EHMT1: variants seen among roughly 807,000 people sequenced by gnomAD.
EHMT1 encodes the protein histone-lysine N-methyltransferase EHMT1.
A neutral mutation model predicts 147.2 loss-of-function variants in EHMT1; 15 were observed. The ratio of observed to expected loss-of-function variants is 0.10; its 90% confidence interval spans 0.07 to 0.16. EHMT1 has a LOEUF of 0.16. Ranked by LOEUF, EHMT1 falls within the 10% of genes least tolerant of loss-of-function variation. EHMT1 has a pLI of 1.00. For missense variants in EHMT1, 1,587 were observed against 1,772.4 expected, an observed-to-expected ratio of 0.90 and a Z score of 1.88; for synonymous variants, 795 against 709.6, an observed-to-expected ratio of 1.12 and a Z score of -1.91.
Position 137,828,085 on chromosome 9 carries a change from G to T in EHMT1, c.3541-6264G>T, listed in dbSNP as rs948323393. The stretch of plus-strand genomic sequence containing the variant: ...TGGGAGGGACGTGGACGAACGGCAC[G>T]CAGTGGGAGGCCATGGGCAAGGTTG... On this transcript the variant is annotated intron_variant, in intron 25 of 26. Coordinates refer to ENST00000460843, the MANE Select transcript of EHMT1 (RefSeq NM_024757.5). The surrounding 1 kb of genome is among the most constrained non-coding windows in gnomAD (Gnocchi z 5.3). 6.6e-6 allele frequency among the ~76,000 whole-genome samples: 1 copy of T among 152,174 alleles called. No individual in the cohort carries two copies. Among genetic ancestry groups the T allele is most frequent in the African/African-American group, 2.4e-5 (1 of 41,446 alleles).
intron 1 of EHMT1, among the ~76,000 whole-genome samples, chr9:137,625,410 C>T (rs181635979): frequency 1.2e-4 from 19 of 152,196 alleles, no homozygotes; most frequent in African/African-American, 4.3e-4. Context: ...CACTATGTTG[C>T]TCAGGCTGGT....
At chr9:137,789,769 G>A (rs899145480) in intron 15 of EHMT1, among the ~76,000 whole-genome samples, 1 of 152,184 alleles carries the variant, frequency 6.6e-6, no homozygotes, top group African/African-American at 2.4e-5. Flanking sequence ...CACTTTTGTT[G>A]CCCAGGCTGG....
rs546337998 is a variant in EHMT1 at position 137,739,098 on chromosome 9, G to A, written c.824-4273G>A. ...TAAAAAAAAAAAAAACAGGCCGGGC[G>A]CGGTGGCTCATGCCTGTAATCCCAG... On this transcript the variant is annotated intron_variant, in intron 4 of 26. Transcript: ENST00000460843. Among the ~76,000 whole-genome samples, 7 of 151,582 alleles carry A rather than the reference G, an allele frequency of 4.6e-5. No individual in the cohort carries two copies. In the East Asian group the frequency reaches 5.8e-4, roughly 13 times the overall value.
Position 137,776,992 on chromosome 9 carries a change from C to G in EHMT1, c.2018+148C>G, listed in dbSNP as rs1307841935. On this transcript the variant is annotated intron_variant, in intron 12 of 26. Transcript: ENST00000460843. The surrounding 1 kb of genome is among the most constrained non-coding windows in gnomAD (Gnocchi z 4.4). ...ATGGTGATTTCTGACATTTAAGACT[C>G]TGAAATTCATTTATTGCCATTTGTG... 2 of 765,506 alleles carry G rather than the reference C, an allele frequency of 2.6e-6. No homozygotes were observed. Among genetic ancestry groups the G allele is most frequent in the Non-Finnish European group, 4.2e-6 (2 of 476,460 alleles). 47.4% of individuals were successfully genotyped at this position (765,506 alleles called of 1,614,324 possible). A position where few individuals can be genotyped will look rare whatever the true frequency, so the allele number is the denominator to read the frequency against.
At chr9:137,688,034 A>T (rs1942608828) in intron 1 of EHMT1, among the ~76,000 whole-genome samples, 1 of 151,930 alleles carries the variant, frequency 6.6e-6, no homozygotes, top group African/African-American at 2.4e-5. Flanking sequence ...TTGGTTTGGA[A>T]TTTTTTTTAG....
At position 137,834,893 on chromosome 9, in the gene EHMT1, G is replaced by A. The variant is rs531878154; in HGVS notation, c.3837G>A (p.Gln1279=). The A allele has an allele frequency of 4.4e-6, 7 of 1,604,142 alleles. No individual in the cohort carries two copies. The East Asian group carries it at 9.0e-5, about 21-fold the overall frequency. The change falls in exon 27 of 27, where the codon CAG becomes CAA. Residue 1279 remains glutamine (Q), a synonymous_variant. Coordinates refer to ENST00000460843, the MANE Select transcript of EHMT1 (RefSeq NM_024757.5). ...CCCAGCGTCAGGCCAGCGCGGCCCA[G>A]GAGGCCCAGGAGGACGGCTTGCCCG... ...ALAQRQASAA[Q]EAQEDGLPDT...
At chr9:137,761,391 G>T (rs1949801459) in intron 9 of EHMT1, among the ~76,000 whole-genome samples, 1 of 152,226 alleles carries the variant, frequency 6.6e-6, no homozygotes, top group Non-Finnish European at 1.5e-5. Context: ...TCTGTTCAAG[G>T]ATTCTTTAGT....
intron 1 of EHMT1, among the ~76,000 whole-genome samples, chr9:137,689,150 A>G (rs1447234949): frequency 6.6e-6 from 1 of 152,182 alleles, no homozygotes; most frequent in African/African-American, 2.4e-5. Context: ...TTTTATTTTC[A>G]ATTACAAAAG....
chr9:137,824,059 G>C (rs1053995205), intron 25 of EHMT1, among the ~76,000 whole-genome samples: 6 of 151,874 alleles, frequency 4.0e-5, no homozygotes, highest in African/African-American at 1.5e-4. Flanking sequence ...AGAATTCCAT[G>C]TCTATCCCAG....
chr9:137,742,287 ATTTGTG>A (rs1358417018), intron 4 of EHMT1, among the ~76,000 whole-genome samples: 1 of 94,486 alleles, frequency 1.1e-5, no homozygotes, highest in African/African-American at 4.6e-5. Flanking sequence ...GTAGAACCAA[ATTTGTG>A]TGTGTGTGTG....
intron 1 of EHMT1, among the ~76,000 whole-genome samples, chr9:137,648,989 A>G (rs1206191964): frequency 6.6e-6 from 1 of 152,216 alleles, no homozygotes; most frequent in Non-Finnish European, 1.5e-5. Flanking sequence ...TTTGCCACCC[A>G]AAAAGCCAGA....
At chr9:137,760,042 A>G (rs1949685013) in intron 9 of EHMT1, among the ~76,000 whole-genome samples, 1 of 152,120 alleles carries the variant, frequency 6.6e-6, no homozygotes, top group Admixed American at 6.5e-5. Flanking sequence ...TGCCTTATTG[A>G]GGCTGAATGG....
At chr9:137,635,766 G>C (rs1421093091) in intron 1 of EHMT1, among the ~76,000 whole-genome samples, 1 of 151,294 alleles carries the variant, frequency 6.6e-6, no homozygotes, top group South Asian at 2.1e-4. Context: ...CTTGCAGTGA[G>C]CTGAGATGGT....
intron 25 of EHMT1, among the ~76,000 whole-genome samples, chr9:137,830,080 T>C (rs6559231): frequency 0.12 from 18,588 of 152,008 alleles, 3,704 homozygotes; most frequent in African/African-American, 0.42. Flanking sequence ...TGAGTGTTAA[T>C]GTGGGCTCAT....
intron 22 of EHMT1, chr9:137,815,411 A>T (rs996029630): frequency 6.8e-5 from 14 of 207,320 alleles, no homozygotes; most frequent in Admixed American, 5.8e-4. Context: ...GTCAAGCCAG[A>T]GTGTGCCTGG....
At chr9:137,703,540 C>A (rs974103860) in intron 1 of EHMT1, among the ~76,000 whole-genome samples, 2 of 152,150 alleles carry the variant, frequency 1.3e-5, no homozygotes, top group East Asian at 3.9e-4. Flanking sequence ...CTCTCAAGTT[C>A]AAAGTTCCAC....
chr9:137,759,977 G>T (rs1588564172), intron 9 of EHMT1, among the ~76,000 whole-genome samples: 1 of 152,310 alleles, frequency 6.6e-6, no homozygotes, highest in East Asian at 1.9e-4. Context: ...ATATGAAGAT[G>T]AGAAGTCCTC....
chr9:137,703,466 C>T (rs900142234), intron 1 of EHMT1, among the ~76,000 whole-genome samples: 1 of 152,198 alleles, frequency 6.6e-6, no homozygotes, highest in African/African-American at 2.4e-5. Context: ...TTAGAAGCAG[C>T]CAGGCCACAT....
chr9:137,682,419 CTA>C (rs1423121763), intron 1 of EHMT1, among the ~76,000 whole-genome samples: 43 of 152,108 alleles, frequency 2.8e-4, no homozygotes, highest in Non-Finnish European at 5.7e-4. Flanking sequence ...TTTATGATTT[CTA>C]AGAAGTCATT....
Sources: allele counts gnomAD v4.1 joint callset (sites outside exome capture counted in the v4.1 genomes callset), GRCh38; gene constraint gnomAD v4.1.1; non-coding constraint Gnocchi (gnomAD v3.1); transcripts MANE v1.5; gene names NCBI Gene and HGNC (gene_info 2026-07-23, HGNC 2026-07-21).